MEGF11: variants seen among roughly 807,000 people sequenced by gnomAD.
The protein encoded by MEGF11 is multiple EGF like domains 11.
A neutral mutation model predicts 146.6 loss-of-function variants in MEGF11; 126 were observed. That is an observed-to-expected ratio of 0.86 (90% CI 0.74 to 1.00). The LOEUF is 1.00. Ranked by LOEUF, MEGF11 falls within the 50% of genes least tolerant of loss-of-function variation. The probability of loss-of-function intolerance (pLI) is 0.00; values close to 1 mark genes in which losing one functional copy is unlikely to be tolerated. For synonymous variants in MEGF11, 532 were observed against 583.4 expected, an observed-to-expected ratio of 0.91 and a Z score of 1.27; for missense variants, 1,509 against 1,521.2, an observed-to-expected ratio of 0.99 and a Z score of 0.13.
At chr15:65,952,205 G>A (rs1488696853) in intron 10 of MEGF11, among the ~76,000 whole-genome samples, 5 of 152,182 alleles carry the variant, frequency 3.3e-5, no homozygotes, top group Non-Finnish European at 5.9e-5. Context: ...TGTACTGTGT[G>A]TGGGGAGGAA....
At chr15:66,181,747 T>G (rs1446702805) in intron 1 of MEGF11, among the ~76,000 whole-genome samples, 1 of 152,160 alleles carries the variant, frequency 6.6e-6, no homozygotes. Context: ...TTAATTAAAT[T>G]TTTATTTAGT....
intron 1 of MEGF11, among the ~76,000 whole-genome samples, chr15:66,145,521 A>G (rs1396298538): frequency 1.3e-5 from 2 of 152,110 alleles, no homozygotes; most frequent in Non-Finnish European, 2.9e-5. Context: ...AGGGAGAGAG[A>G]GGGAAGGTGC....
At chr15:66,151,643 C>T (rs1311769258) in intron 1 of MEGF11, among the ~76,000 whole-genome samples, 1 of 152,150 alleles carries the variant, frequency 6.6e-6, no homozygotes. Context: ...CTTCCTAGAG[C>T]AAAGACTTCT....
chr15:66,213,324 C>T (rs748434711), intron 1 of MEGF11, among the ~76,000 whole-genome samples: 92 of 152,184 alleles, frequency 6.0e-4, no homozygotes, highest in Non-Finnish European at 1.5e-4. Context: ...CAGTGTGTCC[C>T]CGTTCACACA....
At chr15:66,128,863 G>A (rs1021426590) in intron 1 of MEGF11, among the ~76,000 whole-genome samples, 2 of 152,128 alleles carry the variant, frequency 1.3e-5, no homozygotes, top group African/African-American at 2.4e-5. Context: ...TCCTGCCAAG[G>A]AGAAAGAGAA....
chr15:66,002,825 T>C (rs1363705434), intron 5 of MEGF11, among the ~76,000 whole-genome samples: 1 of 152,094 alleles, frequency 6.6e-6, no homozygotes, highest in African/African-American at 2.4e-5. Flanking sequence ...GTATAAAGTA[T>C]TAGAACTGCA....
At chr15:66,044,950 G>A (rs1353946875) in intron 5 of MEGF11, among the ~76,000 whole-genome samples, 4 of 151,638 alleles carry the variant, frequency 2.6e-5, no homozygotes, top group East Asian at 1.9e-4. Context: ...TCCACAGAAC[G>A]AGGAGCTGGG....
rs59330024 is a variant in MEGF11, at chr15:65,973,117, CAAA to C, written c.763-2431_763-2429del. 7.0e-3 allele frequency among the ~76,000 whole-genome samples: 916 copies of C among 130,430 alleles called. 8 individuals carry two copies. The highest frequency in any genetic ancestry group is 0.024 in the African/African-American group (838 of 34,744). 85.6% of individuals were successfully genotyped at this position (130,430 alleles called of 152,430 possible). On this transcript the variant is annotated intron_variant, in intron 7 of 25. Transcript: ENST00000395614. ...GGGCAACAAGAGCAAAACTCTGTCTCAAAAAAAAAAAAAAAAGAATTACCCAAG... is the reference window on the plus strand; with the variant it reads ...GGGCAACAAGAGCAAAACTCTGTCTCAAAAAAAAAAAAAGAATTACCCAAG...
intron 19 of MEGF11, 86 bp from the exon 20 acceptor site, chr15:65,914,059 C>T: frequency 9.9e-7 from 1 of 1,006,578 alleles, no homozygotes; most frequent in Non-Finnish European, 1.5e-6. Flanking sequence ...CGTGTAACCC[C>T]TCTAATGTTA....
intron 1 of MEGF11, among the ~76,000 whole-genome samples, chr15:66,198,548 C>CA (rs1356286934): frequency 6.6e-6 from 1 of 152,140 alleles, no homozygotes; most frequent in Non-Finnish European, 1.5e-5. Flanking sequence ...TGCAGTGGCG[C>CA]AATCTCAGCT....
At chr15:66,146,803 G>A (rs150311759) in intron 1 of MEGF11, among the ~76,000 whole-genome samples, 53 of 152,354 alleles carry the variant, frequency 3.5e-4, no homozygotes, top group African/African-American at 1.2e-3. Flanking sequence ...CGGGGTCCTC[G>A]GCCTGGGTCC....
chr15:66,225,244 G>A (rs1424985051), intron 1 of MEGF11, among the ~76,000 whole-genome samples: 1 of 152,218 alleles, frequency 6.6e-6, no homozygotes, highest in African/African-American at 2.4e-5. Context: ...AAACCTGCAG[G>A]AGCCATTTCC....
chr15:65,990,582 G>GGAAA (rs1477305066), intron 5 of MEGF11, among the ~76,000 whole-genome samples: 1 of 123,184 alleles, frequency 8.1e-6, no homozygotes, highest in African/African-American at 3.1e-5. Flanking sequence ...AGGGAAGAAA[G>GGAAA]GAAAGAAAGA....
chr15:65,936,744 C>T (rs1170820658), intron 10 of MEGF11, among the ~76,000 whole-genome samples: 4 of 152,206 alleles, frequency 2.6e-5, no homozygotes, highest in Non-Finnish European at 4.4e-5. Context: ...GTCTGGGTTC[C>T]CCAGTACCTG....
chr15:66,109,252 G>T (rs530082010), intron 4 of MEGF11, among the ~76,000 whole-genome samples: 19 of 152,128 alleles, frequency 1.2e-4, no homozygotes, highest in Admixed American at 4.6e-4. Context: ...GGTGGTCCAT[G>T]CTGCTGCCCC....
At chr15:65,994,354 C>T (rs930826226) in intron 5 of MEGF11, among the ~76,000 whole-genome samples, 1 of 152,160 alleles carries the variant, frequency 6.6e-6, no homozygotes, top group Non-Finnish European at 1.5e-5. Context: ...CTGTGGGCCA[C>T]ACCCCCACTA....
At chr15:66,017,996 C>T (rs1437529671) in intron 5 of MEGF11, among the ~76,000 whole-genome samples, 1 of 152,154 alleles carries the variant, frequency 6.6e-6, no homozygotes, top group African/African-American at 2.4e-5. Flanking sequence ...AGGGAAGGAG[C>T]CGGGTGGGCT....
chr15:66,092,007 C>T (rs2140655527), intron 5 of MEGF11, among the ~76,000 whole-genome samples: 1 of 152,332 alleles, frequency 6.6e-6, no homozygotes, highest in African/African-American at 2.4e-5. Flanking sequence ...CATTTCTATA[C>T]ACACAGACTG....
At chr15:66,225,799 C>T (rs953492518) in intron 1 of MEGF11, among the ~76,000 whole-genome samples, 5 of 152,176 alleles carry the variant, frequency 3.3e-5, no homozygotes, top group African/African-American at 9.7e-5. Flanking sequence ...AGCACACACT[C>T]GCATAAGATC....
Sources: allele counts gnomAD v4.1 joint callset (sites outside exome capture counted in the v4.1 genomes callset), GRCh38; gene constraint gnomAD v4.1.1; transcripts MANE v1.5; gene names NCBI Gene and HGNC (gene_info 2026-07-23, HGNC 2026-07-21).